ZNF804A: variants seen among roughly 807,000 people sequenced by gnomAD.
ZNF804A encodes the protein zinc finger protein 804A.
Under a neutral mutation model 16.5 loss-of-function variants are expected in ZNF804A, and 2 were observed. The observed-to-expected ratio is 0.12, with a 90% CI of 0.05 to 0.38. The LOEUF is 0.38. ZNF804A is among the 10% of genes least tolerant of loss of function. The pLI, the probability that ZNF804A is intolerant of heterozygous loss-of-function variation, is 0.99. For synonymous variants in ZNF804A, 534 were observed against 489.6 expected, an observed-to-expected ratio of 1.09 and a Z score of -1.20; for missense variants, 1,473 against 1,390.7, an observed-to-expected ratio of 1.06 and a Z score of -0.94.
intron 1 of ZNF804A, among the ~76,000 whole-genome samples, chr2:184,861,217 G>A (rs1695795984): frequency 6.6e-6 from 1 of 152,156 alleles, no homozygotes; most frequent in Non-Finnish European, 1.5e-5. Flanking sequence ...TCCTCATGTG[G>A]AAAATATATC....
At chr2:184,873,293 G>A (rs1048826895) in intron 2 of ZNF804A, among the ~76,000 whole-genome samples, 1 of 152,138 alleles carries the variant, frequency 6.6e-6, no homozygotes, top group African/African-American at 2.4e-5. Flanking sequence ...TTTGAGATCA[G>A]CCTGGGCAAT....
At chr2:184,830,039 C>T (rs1025719009) in intron 1 of ZNF804A, among the ~76,000 whole-genome samples, 14 of 150,056 alleles carry the variant, frequency 9.3e-5, no homozygotes, top group Non-Finnish European at 1.6e-4. Context: ...CCCAGAAGGT[C>T]AAGGCTACAT....
At chr2:184,844,128 G>A (rs1386880127) in intron 1 of ZNF804A, among the ~76,000 whole-genome samples, 1 of 151,626 alleles carries the variant, frequency 6.6e-6, no homozygotes, top group African/African-American at 2.4e-5. Flanking sequence ...CACTATAATA[G>A]TTCATATGTA....
At chr2:184,784,982 C>T (rs911354405) in intron 1 of ZNF804A, among the ~76,000 whole-genome samples, 2 of 151,944 alleles carry the variant, frequency 1.3e-5, no homozygotes, top group South Asian at 2.1e-4. Context: ...TGATCCCCTT[C>T]GCCTTGGCTG....
intron 2 of ZNF804A, among the ~76,000 whole-genome samples, chr2:184,890,631 G>A (rs1185663311): frequency 1.3e-5 from 2 of 151,842 alleles, no homozygotes; most frequent in Non-Finnish European, 2.9e-5. Flanking sequence ...TTTTGTAACT[G>A]TAACTCTCCA....
At chr2:184,695,713 A>T (rs1692820824) in intron 1 of ZNF804A, among the ~76,000 whole-genome samples, 1 of 152,042 alleles carries the variant, frequency 6.6e-6, no homozygotes, top group Non-Finnish European at 1.5e-5. Context: ...CTACTGTGCC[A>T]GGTCTGGAAA....
chr2:184,732,964 T>C (rs1181366532), intron 1 of ZNF804A, among the ~76,000 whole-genome samples: 1 of 152,160 alleles, frequency 6.6e-6, no homozygotes, highest in African/African-American at 2.4e-5. Flanking sequence ...TAGATGATCA[T>C]GTCATCTGTG....
At chr2:184,651,397 T>C (rs1460814616) in intron 1 of ZNF804A, among the ~76,000 whole-genome samples, 1 of 152,044 alleles carries the variant, frequency 6.6e-6, no homozygotes, top group East Asian at 1.9e-4. Context: ...AATTTATGAC[T>C]AAGTCCTCAA....
At chr2:184,881,265 T>C (rs754676573) in intron 2 of ZNF804A, among the ~76,000 whole-genome samples, 10 of 151,944 alleles carry the variant, frequency 6.6e-5, no homozygotes, top group Non-Finnish European at 1.5e-4. Context: ...AAATATGTGA[T>C]TATGTGAAGA....
chr2:184,813,853 C>A (rs563006007), intron 1 of ZNF804A, among the ~76,000 whole-genome samples: 1 of 151,884 alleles, frequency 6.6e-6, no homozygotes, highest in African/African-American at 2.4e-5. Context: ...TTTCTTTAGA[C>A]CTCTGCTATT....
chr2:184,674,253 CTCTTT>C (rs1692385272), intron 1 of ZNF804A, among the ~76,000 whole-genome samples: 2 of 151,900 alleles, frequency 1.3e-5, no homozygotes, highest in Non-Finnish European at 2.9e-5. Context: ...GTCATTATCC[CTCTTT>C]TCTTTTAATT....
chr2:184,723,474 A>G (rs561632061), intron 1 of ZNF804A, among the ~76,000 whole-genome samples: 6 of 151,934 alleles, frequency 3.9e-5, no homozygotes, highest in African/African-American at 1.2e-4. Flanking sequence ...TTTTGCATAC[A>G]TCATAGAAGT....
chr2:184,717,312 C>A (rs1425759386), intron 1 of ZNF804A, among the ~76,000 whole-genome samples: 2 of 152,050 alleles, frequency 1.3e-5, no homozygotes, highest in Non-Finnish European at 2.9e-5. Context: ...CAATTATGTA[C>A]TCTTACCTTT....
chr2:184,731,614 G>A lies in ZNF804A; in HGVS notation c.111+132544G>A, dbSNP rs1351054049. On this transcript the variant is annotated intron_variant, in intron 1 of 3. Transcript: ENST00000302277. ...AGACAGGGTCTTGCTGTGTTATCCA[G>A]GCTGGAGTGCCTTGGTACAATCATG... 6.5e-5 allele frequency among the ~76,000 whole-genome samples: 9 copies of A among 138,806 alleles called. No homozygotes were observed. The East Asian group carries it at 1.9e-3, about 30-fold the overall frequency. The allele number at this position is 138,806 out of a possible 152,430, so 91.1% of individuals were successfully genotyped here. A position where few individuals can be genotyped will look rare whatever the true frequency, so the allele number is the denominator to read the frequency against.
At chr2:184,854,829 A>G (rs1214075869) in intron 1 of ZNF804A, among the ~76,000 whole-genome samples, 2 of 152,074 alleles carry the variant, frequency 1.3e-5, no homozygotes, top group Non-Finnish European at 2.9e-5. Flanking sequence ...AACATATGCT[A>G]CTTAATGGTA....
chr2:184,685,382 C>A (rs368964465), intron 1 of ZNF804A, among the ~76,000 whole-genome samples: 35 of 152,162 alleles, frequency 2.3e-4, no homozygotes, highest in African/African-American at 7.5e-4. Flanking sequence ...GCTCTTCTCT[C>A]CTTCTTGTTA....
chr2:184,714,040 T>G (rs1400338842), intron 1 of ZNF804A, among the ~76,000 whole-genome samples: 2 of 152,028 alleles, frequency 1.3e-5, no homozygotes, highest in Non-Finnish European at 2.9e-5. Context: ...GATTAAATAT[T>G]TAACAGTTAT....
At chr2:184,829,977 C>T (rs1014136710) in intron 1 of ZNF804A, among the ~76,000 whole-genome samples, 1 of 141,072 alleles carries the variant, frequency 7.1e-6, no homozygotes, top group Admixed American at 7.2e-5. Flanking sequence ...TATGGTGGCA[C>T]TTACCTGTGG....
intron 1 of ZNF804A, among the ~76,000 whole-genome samples, chr2:184,654,248 C>G (rs1204369880): frequency 6.6e-6 from 1 of 152,138 alleles, no homozygotes; most frequent in Admixed American, 6.6e-5. Context: ...TGGGCAAGGC[C>G]TTAGGTATTT....
Sources: gnomAD v4.1 joint callset for allele counts (sites outside exome capture counted in the v4.1 genomes callset) on GRCh38, gnomAD v4.1.1 for gene constraint, MANE v1.5 for transcripts, NCBI Gene and HGNC (gene_info 2026-07-23, HGNC 2026-07-21) for gene names.